Variants in SETD2 observed in about 807,000 individuals in gnomAD.
SETD2 encodes the protein SET domain containing 2, histone lysine methyltransferase, also known as histone-lysine N-methyltransferase SETD2.
In SETD2, 31 loss-of-function variants were observed where a neutral mutation model predicts 242.1. The ratio of observed to expected loss-of-function variants is 0.13; its 90% CI spans 0.10 to 0.17. The LOEUF is 0.17. Ranked by LOEUF, SETD2 falls within the 10% of genes least tolerant of loss-of-function variation. SETD2 has a pLI of 1.00. For synonymous variants in SETD2, 1,006 were observed against 1,066.5 expected (o/e 0.94, Z 1.11); for missense variants, 2,481 against 3,046.3 (o/e 0.81, Z 4.37).
intron 17 of SETD2, among the ~76,000 whole-genome samples, chr3:47,041,636 T>TAC (rs562296562): frequency 1.1e-3 from 165 of 151,128 alleles, no homozygotes; most frequent in African/African-American, 2.3e-3. Flanking sequence ...GGTGTATATA[T>TAC]ACACACACAC....
intron 9 of SETD2, among the ~76,000 whole-genome samples, chr3:47,095,064 A>G (rs1209551734): frequency 1.3e-5 from 2 of 152,234 alleles, no homozygotes; most frequent in Non-Finnish European, 2.9e-5. Context: ...GTCACTTCTC[A>G]TCAATAAATT....
intron 1 of SETD2, among the ~76,000 whole-genome samples, chr3:47,156,781 T>C (rs1262614523): frequency 6.6e-6 from 1 of 152,158 alleles, no homozygotes; most frequent in Non-Finnish European, 1.5e-5. Context: ...TGAAATCTGG[T>C]AACCACATGA....
At chr3:47,018,752 T>C (rs923946603) in intron 19 of SETD2, among the ~76,000 whole-genome samples, 2 of 152,176 alleles carry the variant, frequency 1.3e-5, no homozygotes, top group South Asian at 2.1e-4. Context: ...AGACACATAG[T>C]TCCTATATGA....
chr3:47,021,808 A>G (rs2038229714), intron 18 of SETD2, among the ~76,000 whole-genome samples: 1 of 152,212 alleles, frequency 6.6e-6, no homozygotes, highest in South Asian at 2.1e-4. Context: ...TGTTATTGAC[A>G]TGAACAACCT....
At chr3:47,085,866 C>T (rs2041533654) in intron 11 of SETD2, among the ~76,000 whole-genome samples, 1 of 152,132 alleles carries the variant, frequency 6.6e-6, no homozygotes, top group South Asian at 2.1e-4. Flanking sequence ...TTTTATATGA[C>T]TTCCCATCTT....
At chr3:47,146,932 T>C (rs1003914316) in intron 1 of SETD2, among the ~76,000 whole-genome samples, 2 of 150,590 alleles carry the variant, frequency 1.3e-5, no homozygotes, top group African/African-American at 2.4e-5. Context: ...AGTGAGACCC[T>C]GTCTTCAAAA....
In SETD2 at chr3:47,046,571, T is replaced by C; in HGVS notation, c.7014A>G (p.Thr2338=). 6.2e-7 allele frequency: 1 copy of C among 1,613,630 alleles called. No homozygotes were observed. The highest frequency in any genetic ancestry group is 8.5e-7 in the Non-Finnish European group (1 of 1,179,662). The part of the protein sequence containing the change: ...LQYIQGQQIF[T]AHPQGVVVQP... Reference sequence around the variant, plus strand: ...GTACCACCACTCCTTGTGGATGAGCTGTGAAAATCTGTTGCCCCTGGATAT... The same window carrying C: ...GTACCACCACTCCTTGTGGATGAGCCGTGAAAATCTGTTGCCCCTGGATAT... Residue 2338 remains threonine (T), a synonymous_variant, in exon 16 of 21, where the codon ACA becomes ACG. Transcript: ENST00000409792.
At chr3:47,091,637 C>T (rs2041809337) in intron 9 of SETD2, among the ~76,000 whole-genome samples, 1 of 152,106 alleles carries the variant, frequency 6.6e-6, no homozygotes, top group Non-Finnish European at 1.5e-5. Flanking sequence ...ATGGCAGGTG[C>T]CTAAAATCAC....
intron 10 of SETD2, among the ~76,000 whole-genome samples, 172 bp downstream of exon 10, chr3:47,087,941 G>A (rs2107650017): frequency 6.6e-6 from 1 of 151,642 alleles, no homozygotes; most frequent in Non-Finnish European, 1.5e-5. Flanking sequence ...ACTCCAGCCT[G>A]GATGACAGAA....
intron 15 of SETD2, among the ~76,000 whole-genome samples, chr3:47,055,669 G>C (rs778408268): frequency 4.6e-5 from 7 of 151,016 alleles, no homozygotes; most frequent in Non-Finnish European, 7.4e-5. Context: ...CTCCAGCCCG[G>C]GTGGCAGAGC....
intron 5 of SETD2, among the ~76,000 whole-genome samples, chr3:47,106,785 C>T (rs528798560): frequency 5.6e-4 from 80 of 143,144 alleles, no homozygotes; most frequent in African/African-American, 1.9e-3. Context: ...GCACTCCAGC[C>T]TGGGCAAGAG....
Position 47,067,142 on chromosome 3 carries a change from G to A in SETD2, c.6061-24C>T, listed in dbSNP as rs781168171. ...TCCTGCAAAAAATAAACCAGAGGGA[G>A]GGTTATTAGTGAGGGTGGAAATGGT... On this transcript the variant is annotated intron_variant, in intron 12 of 20. Transcript: ENST00000409792. 1.3e-5 allele frequency: 21 copies of A among 1,588,740 alleles called. 1 individual carries two copies. In the Middle Eastern group the frequency reaches 1.0e-3, roughly 75 times the overall value.
At chr3:47,116,928 C>T (rs1270399864) in intron 3 of SETD2, among the ~76,000 whole-genome samples, 174 bp from the exon 4 acceptor site, 1 of 152,096 alleles carries the variant, frequency 6.6e-6, no homozygotes, top group Non-Finnish European at 1.5e-5. Context: ...ACTGCAGCCT[C>T]AACCTCCTGG....
rs146058926 is a variant in SETD2, at chr3:47,121,865, G to A, written c.2771C>T (p.Ala924Val). The change falls in exon 3 of 21, where the codon GCA becomes GTA. Residue 924 changes from alanine to valine, a missense_variant. Ala to Val is a moderately conservative substitution (Grantham distance 64, BLOSUM62 0). Transcript: ENST00000409792. ...SKKSSEFLKH[A>V]GKETIVEVGS... is the part of the protein sequence containing the mutation. ...TACTTCTACTATTGTTTCTTTCCCT[G>A]CATGCTTTAAAAACTCTGAACTTTT... is the stretch of plus-strand genomic sequence containing the variant. 4 of 1,613,768 alleles carry A rather than the reference G, an allele frequency of 2.5e-6. No individual in the cohort carries two copies. The highest frequency in any genetic ancestry group is 2.2e-5 in the East Asian group (1 of 44,862).
Position 47,121,346 on chromosome 3 carries a change from T to C in SETD2, c.3290A>G (p.Tyr1097Cys), listed in dbSNP as rs146397596. 5.2e-5 allele frequency: 84 copies of C among 1,610,228 alleles called. No homozygotes were observed. Among genetic ancestry groups the C allele is most frequent in the Non-Finnish European group, 7.0e-5 (83 of 1,180,018 alleles). The change falls in exon 3 of 21, where the codon TAT becomes TGT. Residue 1097 changes from tyrosine to cysteine, a missense_variant. This residue lies in a region of SETD2 where 1,300 missense variants were observed against 1,259.2 expected (regional missense o/e 1.03). Transcript: ENST00000409792. ...TCTCTCATCTTCCCAATGGTCAGAA[T>C]AGTGTCTATAACTTTGACTGCTCCG... ...SSRSSQSYRH[Y>C]SDHWEDERLE...
At chr3:47,030,240 A>G (rs1294561315) in intron 18 of SETD2, among the ~76,000 whole-genome samples, 1 of 152,164 alleles carries the variant, frequency 6.6e-6, no homozygotes, top group Non-Finnish European at 1.5e-5. Flanking sequence ...AATTAAAACT[A>G]TTAAAAAATA....
At chr3:47,094,821 G>A (rs894582365) in intron 9 of SETD2, among the ~76,000 whole-genome samples, 3 of 152,114 alleles carry the variant, frequency 2.0e-5, no homozygotes, top group African/African-American at 7.2e-5. Flanking sequence ...TGGAGCAACC[G>A]ATGACTGTAG....
intron 4 of SETD2, among the ~76,000 whole-genome samples, chr3:47,114,636 T>C (rs2107722413): frequency 6.6e-6 from 1 of 152,288 alleles, no homozygotes; most frequent in East Asian, 1.9e-4. Context: ...CCCAGCACTT[T>C]GGGAGGCCAA....
chr3:47,051,109 A>AT (rs995398335), intron 15 of SETD2, among the ~76,000 whole-genome samples: 53 of 135,030 alleles, frequency 3.9e-4, no homozygotes, highest in Admixed American at 1.9e-3. Context: ...GTCTCCCTAC[A>AT]TTTTTTTTTT....
Sources: gnomAD v4.1 joint callset for allele counts (sites outside exome capture counted in the v4.1 genomes callset) on GRCh38, gnomAD v4.1.1 for gene constraint, gnomAD v4.1.1 regional missense constraint, MANE v1.5 for transcripts, NCBI Gene and HGNC (gene_info 2026-07-23, HGNC 2026-07-21) for gene names.